ASTN2: variants seen among roughly 807,000 people sequenced by gnomAD.
ASTN2 encodes astrotactin-2.
A neutral mutation model predicts 139.8 loss-of-function variants in ASTN2; 54 were observed. The ratio of observed to expected loss-of-function variants is 0.39; its 90% CI spans 0.31 to 0.48. ASTN2 has a LOEUF of 0.48. Among genes scored for constraint, ASTN2 ranks in the 20% least tolerant of loss-of-function variants. The pLI is 0.95. For synonymous variants in ASTN2, 756 were observed against 719.5 expected, an observed-to-expected ratio of 1.05 and a Z score of -0.81; for missense variants, 1,565 against 1,725.1, an observed-to-expected ratio of 0.91 and a Z score of 1.64.
chr9:116,958,419 T>C (rs1835782523), intron 10 of ASTN2, among the ~76,000 whole-genome samples: 1 of 151,932 alleles, frequency 6.6e-6, no homozygotes, highest in African/African-American at 2.4e-5. Flanking sequence ...TGAAACCCCG[T>C]CTCTACTAAA....
chr9:117,218,203 G>A (rs1832395148), intron 2 of ASTN2, among the ~76,000 whole-genome samples: 2 of 152,202 alleles, frequency 1.3e-5, no homozygotes. Context: ...TGGTTTGGGA[G>A]GCACTGAGCT....
intron 10 of ASTN2, among the ~76,000 whole-genome samples, chr9:116,970,394 G>T (rs1207332829): frequency 6.6e-6 from 1 of 152,122 alleles, no homozygotes; most frequent in Non-Finnish European, 1.5e-5. Flanking sequence ...GTGACTTCCT[G>T]CTAACACTTC....
rs552796688 is a variant in ASTN2, at chr9:117,029,341, C to G, written c.1423+10478G>C. Among the ~76,000 whole-genome samples, 3 of 152,274 alleles carry G rather than the reference C, an allele frequency of 2.0e-5. No homozygotes were observed. In the South Asian group the frequency reaches 6.2e-4, roughly 32 times the overall value. On this transcript the variant is annotated intron_variant, in intron 6 of 22. Transcript: ENST00000313400. ...AAACAGGATCTATAGGATGCACTGA[C>G]ATGTGTCCATGCCCCTCCCTGGGAA...
At chr9:117,096,726 A>G (rs535069406) in intron 4 of ASTN2, among the ~76,000 whole-genome samples, 19 of 152,298 alleles carry the variant, frequency 1.2e-4, no homozygotes, top group Admixed American at 9.8e-4. Context: ...TTACCACTCA[A>G]TGAGGTGCTA....
At chr9:116,620,212 C>T in intron 18 of ASTN2, 98 bp downstream of exon 18, 2 of 1,564,248 alleles carry the variant, frequency 1.3e-6, no homozygotes, top group Non-Finnish European at 1.7e-6. Context: ...TTGTTAGGCA[C>T]CTTGGGAGCA....
At position 117,225,535 on chromosome 9, in the gene ASTN2, G is replaced by GTGTATA. The variant is rs372269409; in HGVS notation, c.631-10794_631-10793insTATACA. 1.7e-4 allele frequency among the ~76,000 whole-genome samples: 11 copies of GTGTATA among 63,960 alleles called. No homozygotes were observed. In the South Asian group the frequency reaches 4.7e-3, roughly 27 times the overall value. 42.0% of individuals were successfully genotyped at this position (63,960 alleles called of 152,430 possible). ...CAAGACCAGCCTGGCCAAGCTGTAT[G>GTGTATA]TATATATATATATATATATATATAT... On this transcript the variant is annotated intron_variant, in intron 2 of 22. Coordinates refer to ENST00000313400, the MANE Select transcript of ASTN2 (RefSeq NM_001365068.1).
At chr9:117,377,509 ACT>A (rs1459690996) in intron 1 of ASTN2, among the ~76,000 whole-genome samples, 2 of 151,964 alleles carry the variant, frequency 1.3e-5, no homozygotes, top group East Asian at 1.9e-4. Context: ...TTACACCTTG[ACT>A]CTCTGAGTGT....
intron 4 of ASTN2, among the ~76,000 whole-genome samples, chr9:117,103,338 G>C (rs1054679476): frequency 1.3e-5 from 2 of 152,102 alleles, no homozygotes; most frequent in African/African-American, 4.8e-5. Flanking sequence ...CAATTTTGCT[G>C]CTAAATAAAT....
chr9:116,496,672 TAA>T (rs1849678597), intron 19 of ASTN2, among the ~76,000 whole-genome samples: 1 of 152,140 alleles, frequency 6.6e-6, no homozygotes, highest in African/African-American at 2.4e-5. Context: ...ATGCTGCAAT[TAA>T]AGACATATCT....
intron 16 of ASTN2, among the ~76,000 whole-genome samples, chr9:116,723,056 T>C (rs1198605637): frequency 2.0e-5 from 3 of 151,984 alleles, no homozygotes; most frequent in Non-Finnish European, 1.5e-5. Context: ...TCCCAGCTAC[T>C]CCGGGGACTG....
intron 2 of ASTN2, among the ~76,000 whole-genome samples, chr9:117,289,648 C>A (rs1834537784): frequency 6.6e-6 from 1 of 152,078 alleles, no homozygotes; most frequent in African/African-American, 2.4e-5. Context: ...GCATTCACAC[C>A]CCTCCGCCTC....
At chr9:117,046,427 T>A (rs2132660512) in intron 5 of ASTN2, among the ~76,000 whole-genome samples, 1 of 152,290 alleles carries the variant, frequency 6.6e-6, no homozygotes, top group Non-Finnish European at 1.5e-5. Context: ...GTAGTGATAA[T>A]CCCTAACTGA....
At chr9:117,099,763 T>C (rs1056535478) in intron 4 of ASTN2, among the ~76,000 whole-genome samples, 5 of 152,212 alleles carry the variant, frequency 3.3e-5, no homozygotes, top group Admixed American at 2.6e-4. Context: ...GTAAATCTAT[T>C]CCTTTTTTAC....
intron 10 of ASTN2, among the ~76,000 whole-genome samples, chr9:116,947,820 A>C (rs1179733125): frequency 6.6e-6 from 1 of 152,224 alleles, no homozygotes; most frequent in African/African-American, 2.4e-5. Flanking sequence ...CTGATTCATC[A>C]CTACTGTGGG....
intron 6 of ASTN2, among the ~76,000 whole-genome samples, chr9:117,024,108 T>C (rs1837980011): frequency 6.6e-6 from 1 of 152,124 alleles, no homozygotes; most frequent in African/African-American, 2.4e-5. Flanking sequence ...TTCTTCAAGG[T>C]GGACAATGAA....
chr9:117,259,170 CT>C (rs1564111825), intron 2 of ASTN2, among the ~76,000 whole-genome samples: 1 of 152,092 alleles, frequency 6.6e-6, no homozygotes, highest in Non-Finnish European at 1.5e-5. Flanking sequence ...CCCTTAGCTC[CT>C]GGGGCTTCAC....
intron 4 of ASTN2, among the ~76,000 whole-genome samples, chr9:117,119,260 C>T (rs920150264): frequency 6.6e-6 from 1 of 152,162 alleles, no homozygotes; most frequent in South Asian, 2.1e-4. Context: ...TTTGGAAACT[C>T]ACCTGTTTGT....
chr9:116,786,397 T>C lies in ASTN2; in HGVS notation c.2396+19235A>G, dbSNP rs1356215210. 9.2e-5 allele frequency among the ~76,000 whole-genome samples: 14 copies of C among 152,226 alleles called. 1 individual carries two copies. The highest frequency in any genetic ancestry group is 2.1e-4 in the Non-Finnish European group (14 of 68,046). ...GGTTTTTATATATTTTGTTCACTAT[T>C]GTCTTCCTGGTTTCCTAGAACAGTC... On this transcript the variant is annotated intron_variant, in intron 13 of 22. Coordinates refer to ENST00000313400, the MANE Select transcript of ASTN2 (RefSeq NM_001365068.1).
chr9:116,875,933 A>T (rs1022947054), intron 10 of ASTN2, among the ~76,000 whole-genome samples: 1 of 152,248 alleles, frequency 6.6e-6, no homozygotes, highest in Non-Finnish European at 1.5e-5. Flanking sequence ...TGTTGTTTTC[A>T]TGCATTCTAA....
Sources: allele counts gnomAD v4.1 joint callset (sites outside exome capture counted in the v4.1 genomes callset), GRCh38; gene constraint gnomAD v4.1.1; transcripts MANE v1.5; gene names NCBI Gene and HGNC (gene_info 2026-07-23, HGNC 2026-07-21).